The following MBOAT2 variants were observed in gnomAD, a reference collection of about 807,000 sequenced individuals.
MBOAT2 encodes the protein membrane bound glycerophospholipid O-acyltransferase 2.
MBOAT2 carries 28 observed loss-of-function variants against 63.4 expected under a neutral mutation model. That is an observed-to-expected ratio of 0.44 (90% confidence interval 0.33 to 0.61). The LOEUF is 0.61. Ranked by LOEUF, MBOAT2 falls within the 20% of genes least tolerant of loss-of-function variation. MBOAT2 has a pLI of 0.03. For missense variants in MBOAT2, 470 were observed against 605.8 expected (o/e 0.78, Z 2.35); for synonymous variants, 211 against 215.6 (o/e 0.98, Z 0.19).
intron 4 of MBOAT2, among the ~76,000 whole-genome samples, chr2:8,907,102 A>C (rs1665387318): frequency 2.0e-5 from 3 of 152,176 alleles, no homozygotes; most frequent in African/African-American, 7.2e-5. Flanking sequence ...AATTAATTAA[A>C]AGTATGCTTT....
chr2:8,885,191 A>C (rs1663458313), intron 5 of MBOAT2, among the ~76,000 whole-genome samples: 1 of 152,218 alleles, frequency 6.6e-6, no homozygotes, highest in Non-Finnish European at 1.5e-5. Context: ...TATCATTTTC[A>C]TGTAAATTCG....
intron 4 of MBOAT2, among the ~76,000 whole-genome samples, chr2:8,891,953 G>A (rs1249204815): frequency 6.6e-6 from 1 of 152,162 alleles, no homozygotes; most frequent in African/African-American, 2.4e-5. Flanking sequence ...AACAGTTTCA[G>A]CTAATATTAA....
chr2:8,941,580 C>T (rs1668053203), intron 3 of MBOAT2, among the ~76,000 whole-genome samples: 1 of 151,626 alleles, frequency 6.6e-6, no homozygotes, highest in Non-Finnish European at 1.5e-5. Context: ...AGGAGAATCG[C>T]TTAAACCCGG....
chr2:8,949,530 T>C (rs917066086), intron 2 of MBOAT2, among the ~76,000 whole-genome samples: 3 of 152,036 alleles, frequency 2.0e-5, no homozygotes, highest in Non-Finnish European at 4.4e-5. Context: ...TGGTGAAAGG[T>C]AGGGGTCCAG....
At chr2:8,859,710 T>G (rs1046962957) in intron 12 of MBOAT2, among the ~76,000 whole-genome samples, 1 of 152,176 alleles carries the variant, frequency 6.6e-6, no homozygotes, top group African/African-American at 2.4e-5. Context: ...AAGAATAAAG[T>G]TTTTGATCTC....
intron 1 of MBOAT2, among the ~76,000 whole-genome samples, chr2:8,959,047 A>G (rs188297281): frequency 6.6e-6 from 1 of 152,322 alleles, no homozygotes; most frequent in Admixed American, 6.5e-5. Context: ...ATTTCTTCGC[A>G]AAAGCTCTGG....
intron 5 of MBOAT2, among the ~76,000 whole-genome samples, chr2:8,882,939 A>G (rs895827870): frequency 5.3e-5 from 8 of 152,224 alleles, no homozygotes; most frequent in Admixed American, 5.2e-4. Context: ...ACTATAAACT[A>G]GAAGATCAAC....
intron 2 of MBOAT2, among the ~76,000 whole-genome samples, chr2:8,950,160 A>G (rs1428810882): frequency 1.3e-5 from 2 of 152,154 alleles, no homozygotes; most frequent in African/African-American, 2.4e-5. Flanking sequence ...ATTTCTATAC[A>G]TCGATCTTGT....
intron 1 of MBOAT2, among the ~76,000 whole-genome samples, chr2:8,978,869 T>TG (rs1339350283): frequency 6.6e-6 from 1 of 151,340 alleles, no homozygotes; most frequent in Non-Finnish European, 1.5e-5. Flanking sequence ...AAAAAGGTGG[T>TG]GGGGGGAGGC....
intron 7 of MBOAT2, among the ~76,000 whole-genome samples, chr2:8,876,765 C>T (rs187068666): frequency 9.2e-5 from 14 of 152,238 alleles, no homozygotes; most frequent in Non-Finnish European, 1.6e-4. Context: ...CTGGCCAATT[C>T]CATGCTAAGA....
At chr2:9,000,453 A>T (rs1672603835) in intron 1 of MBOAT2, among the ~76,000 whole-genome samples, 1 of 152,240 alleles carries the variant, frequency 6.6e-6, no homozygotes, top group African/African-American at 2.4e-5. Flanking sequence ...AGTCAACTCT[A>T]AGGTGCTTCA....
chr2:9,001,877 A>G (rs906899809), intron 1 of MBOAT2, among the ~76,000 whole-genome samples: 1 of 152,172 alleles, frequency 6.6e-6, no homozygotes, highest in African/African-American at 2.4e-5. Flanking sequence ...TGGGGGAGAG[A>G]AAAAGGGAAC....
chr2:8,904,311 T>TTA (rs1665176540), intron 4 of MBOAT2, among the ~76,000 whole-genome samples: 1 of 139,890 alleles, frequency 7.1e-6, no homozygotes, highest in African/African-American at 3.1e-5. Flanking sequence ...TTGTTTTTAT[T>TTA]TTTTATTTTT....
intron 1 of MBOAT2, among the ~76,000 whole-genome samples, chr2:9,001,832 GCT>G (rs1329218279): frequency 6.6e-6 from 1 of 152,206 alleles, no homozygotes; most frequent in East Asian, 1.9e-4. Context: ...GACGGGTAGG[GCT>G]ATGGCAGACA....
At chr2:8,944,638 CTGTT>C (rs1408819612) in intron 2 of MBOAT2, among the ~76,000 whole-genome samples, 5 of 146,602 alleles carry the variant, frequency 3.4e-5, no homozygotes, top group Non-Finnish European at 3.0e-5. Context: ...GTCAGTCTAT[CTGTT>C]TGACTGACAC....
intron 4 of MBOAT2, among the ~76,000 whole-genome samples, chr2:8,896,194 G>A (rs910059968): frequency 2.1e-5 from 3 of 145,882 alleles, no homozygotes; most frequent in Admixed American, 7.0e-5. Flanking sequence ...AGCCGAGATC[G>A]AGCCATTGCT....
At chr2:8,958,966 G>A (rs1334017821) in intron 1 of MBOAT2, among the ~76,000 whole-genome samples, 1 of 152,126 alleles carries the variant, frequency 6.6e-6, no homozygotes, top group Non-Finnish European at 1.5e-5. Context: ...GGCACCTATC[G>A]GTTAAAGGGA....
chr2:8,953,537 G>A (rs1191345216), intron 2 of MBOAT2, among the ~76,000 whole-genome samples: 1 of 152,064 alleles, frequency 6.6e-6, no homozygotes, highest in Non-Finnish European at 1.5e-5. Context: ...CATTTTCCAG[G>A]TTGTTTGCTT....
Position 8,877,083 on chromosome 2 carries a change from C to A in MBOAT2, c.637G>T (p.Gly213Cys), listed in dbSNP as rs756322066. ...EGRSYHITQSGENGKEETQYE... is the reference protein window; with the variant it reads ...EGRSYHITQSCENGKEETQYE... Reference sequence around the variant, plus strand: ...TGTGTCTCTTCTTTTCCATTTTCACCAGATTGTGTGATATGGTATGATCTG... The same window carrying A: ...TGTGTCTCTTCTTTTCCATTTTCACAAGATTGTGTGATATGGTATGATCTG... The change falls in exon 7 of 13, where the codon GGT becomes TGT. Residue 213 changes from glycine (G) to cysteine (C), a missense_variant. Gly to Cys is a radical substitution (Grantham distance 159, BLOSUM62 -3). Transcript: ENST00000305997. 1 of 1,613,450 alleles carries A rather than the reference C, an allele frequency of 6.2e-7. No individual in the cohort carries two copies. The highest frequency in any genetic ancestry group is 1.1e-5 in the South Asian group (1 of 90,870).
Sources: gnomAD v4.1 joint callset for allele counts (sites outside exome capture counted in the v4.1 genomes callset) on GRCh38, gnomAD v4.1.1 for gene constraint, MANE v1.5 for transcripts, NCBI Gene and HGNC (gene_info 2026-07-23, HGNC 2026-07-21) for gene names.